The following FAM83A variants were observed in gnomAD, a reference collection of about 807,000 sequenced individuals.
FAM83A encodes protein FAM83A.
FAM83A carries 21 observed loss-of-function variants against 24.4 expected under a neutral mutation model. That is an observed-to-expected ratio of 0.86 (90% CI 0.61 to 1.24). The LOEUF (loss-of-function observed/expected upper bound fraction) is 1.24. Among genes scored for constraint, FAM83A ranks in the 50% most tolerant of loss-of-function variants. The probability of loss-of-function intolerance (pLI) is 0.00; values close to 1 mark genes in which losing one functional copy is unlikely to be tolerated. For synonymous variants in FAM83A, 270 were observed against 252.4 expected (o/e 1.07, Z -0.66); for missense variants, 617 against 579.8 (o/e 1.06, Z -0.66).
chr8:123,208,326 G>A, exon 4 of FAM83A: 1 of 985,622 alleles, frequency 1.0e-6, no homozygotes, highest in Non-Finnish European at 1.2e-6. Flanking sequence ...CACCAGGGAT[G>A]CAGCTAGCTG....
chr8:123,204,367 T>G (rs1380850956), intron 3 of FAM83A, among the ~76,000 whole-genome samples: 1 of 152,176 alleles, frequency 6.6e-6, no homozygotes, highest in Admixed American at 6.5e-5. Context: ...AATAGTTAAA[T>G]AAGTGAAAAT....
upstream of FAM83A, chr8:123,179,058 G>A (rs1823532915): frequency 6.6e-6 from 1 of 152,200 alleles, no homozygotes; most frequent in Non-Finnish European, 1.5e-5. Flanking sequence ...ATGACTTGGA[G>A]AACAGTCACT....
chr8:123,184,915 T>C (rs1823740878), intron 1 of FAM83A, among the ~76,000 whole-genome samples: 1 of 152,208 alleles, frequency 6.6e-6, no homozygotes, highest in African/African-American at 2.4e-5. Flanking sequence ...CTGAATTCCC[T>C]CCCAAGTTCA....
exon 4 of FAM83A, chr8:123,207,943 C>T (rs2131113814): frequency 8.1e-7 from 1 of 1,233,008 alleles, no homozygotes; most frequent in Non-Finnish European, 1.0e-6. Flanking sequence ...AGCTAGAGGA[C>T]AAAATCATGA....
chr8:123,183,473 G>A, intron 1 of FAM83A, 137 bp downstream of exon 1: 1 of 1,347,824 alleles, frequency 7.4e-7, no homozygotes, highest in Non-Finnish European at 9.9e-7. Context: ...GGGCTTTGCT[G>A]TCCGCCTTGC....
chr8:123,191,920 C>A (rs929731484), exon 2 of FAM83A: 2 of 1,614,200 alleles, frequency 1.2e-6, no homozygotes, highest in Non-Finnish European at 1.7e-6. Flanking sequence ...AGGTGTGAAG[C>A]TCTTCCAGGA....
exon 4 of FAM83A, chr8:123,207,243 G>A (rs1473622141): frequency 1.9e-6 from 3 of 1,612,576 alleles, no homozygotes; most frequent in South Asian, 2.2e-5. Flanking sequence ...GAGGAGTTCC[G>A]CCACCTCTAC....
upstream of FAM83A, chr8:123,182,636 G>T (rs1436908814): frequency 5.2e-6 from 4 of 764,534 alleles, 1 homozygote; most frequent in South Asian, 5.9e-5. Flanking sequence ...GTGGCCCTGA[G>T]AGATAAGCCA....
At chr8:123,183,290 A>G (rs920836274) in exon 1 of FAM83A, 2 of 1,613,210 alleles carry the variant, frequency 1.2e-6, no homozygotes, top group Admixed American at 1.7e-5. Context: ...GTCAAGCACA[A>G]CAACATCAGA....
chr8:123,207,130 A>G (rs1366686624), intron 3 of FAM83A, 27 bp from the exon 4 acceptor site: 8 of 1,183,400 alleles, frequency 6.8e-6, no homozygotes, highest in Non-Finnish European at 7.5e-6. Flanking sequence ...CTTCTCCTCC[A>G]TCACTCTCTC....
chr8:123,188,825 C>A (rs1300023122), intron 1 of FAM83A, among the ~76,000 whole-genome samples: 2 of 152,322 alleles, frequency 1.3e-5, no homozygotes, highest in East Asian at 3.9e-4. Flanking sequence ...TGGTCCAAAC[C>A]AGTTACTGGC....
chr8:123,208,012 A>C, exon 4 of FAM83A: 1 of 1,131,886 alleles, frequency 8.8e-7, no homozygotes, highest in Non-Finnish European at 1.1e-6. Context: ...GGCCCCCAAA[A>C]CTCCGTAAGA....
At chr8:123,182,388 G>T (rs1823624540), upstream of FAM83A, 1 of 358,252 alleles carries the variant, frequency 2.8e-6, no homozygotes, top group South Asian at 2.1e-5. Context: ...GGGAATCGAG[G>T]CACCCAGGAG....
chr8:123,183,208 C>A (rs1315100056), exon 1 of FAM83A: 2 of 1,613,650 alleles, frequency 1.2e-6, no homozygotes, highest in Non-Finnish European at 1.7e-6. Flanking sequence ...GCCGGCCCTA[C>A]TGCACAGCTG....
chr8:123,209,054 AAG>A lies in FAM83A; in HGVS notation c.*1369_*1370del. 2.0e-6 allele frequency: 2 copies of A among 993,366 alleles called. No individual in the cohort carries two copies. The highest frequency in any genetic ancestry group is 2.4e-6 in the Non-Finnish European group (2 of 835,576). The allele number at this position is 993,366 out of a possible 1,614,324, so 61.5% of individuals were successfully genotyped here. A position where few individuals can be genotyped will look rare whatever the true frequency, so the allele number is the denominator to read the frequency against. On this transcript the variant is annotated 3_prime_UTR_variant, in exon 4 of 4. Transcript: ENST00000690554. The surrounding 1 kb of genome is among the most constrained non-coding windows in gnomAD (Gnocchi z 4.7). ...GTCAGAGACACTTCCCAGATAAAGTAAGAGTTAACCCTGCACCTCAGGTGTGA... is the reference window on the plus strand; with the variant it reads ...GTCAGAGACACTTCCCAGATAAAGTAAGTTAACCCTGCACCTCAGGTGTGA...
intron 3 of FAM83A, among the ~76,000 whole-genome samples, chr8:123,198,392 T>C (rs1279589348): frequency 1.3e-5 from 2 of 151,992 alleles, no homozygotes; most frequent in East Asian, 3.9e-4. Flanking sequence ...GATGTAAAGA[T>C]AAAAGGCTGA....
upstream of FAM83A, chr8:123,180,227 C>T (rs1823561109): frequency 6.6e-6 from 1 of 152,068 alleles, no homozygotes; most frequent in Non-Finnish European, 1.5e-5. Context: ...TGCAGTTTCT[C>T]AGGTAGGCTC....
intron 3 of FAM83A, among the ~76,000 whole-genome samples, chr8:123,203,797 G>A (rs1209866924): frequency 2.0e-5 from 3 of 150,676 alleles, no homozygotes; most frequent in East Asian, 3.9e-4. Context: ...GCAACATATG[G>A]TTAAAAAAAC....
upstream of FAM83A, chr8:123,182,153 C>T (rs1288832378): frequency 8.8e-6 from 4 of 455,992 alleles, no homozygotes; most frequent in South Asian, 6.2e-5. Flanking sequence ...TCTGCGGTCT[C>T]TGCAAACACG....
Sources: gnomAD v4.1 joint callset for allele counts (sites outside exome capture counted in the v4.1 genomes callset) on GRCh38, gnomAD v4.1.1 for gene constraint, Gnocchi (gnomAD v3.1) non-coding constraint, MANE v1.5 for transcripts, NCBI Gene and HGNC (gene_info 2026-07-23, HGNC 2026-07-21) for gene names.